TULP4: variants seen among roughly 807,000 people sequenced by gnomAD.
The protein encoded by TULP4 is TUB like protein 4.
A neutral mutation model predicts 129.0 loss-of-function variants in TULP4; 16 were observed. The observed-to-expected ratio is 0.12, with a 90% CI of 0.08 to 0.19. The LOEUF (loss-of-function observed/expected upper bound fraction) is 0.19, where lower values mean the gene tolerates loss of function less well. Ranked by LOEUF, TULP4 falls within the 10% of genes least tolerant of loss-of-function variation. TULP4 has a pLI of 1.00. For missense variants in TULP4, 1,842 were observed against 2,059.1 expected, an observed-to-expected ratio of 0.89 and a Z score of 2.04; for synonymous variants, 998 against 854.0, an observed-to-expected ratio of 1.17 and a Z score of -2.94.
At chr6:158,408,264 T>G (rs1015658839) in intron 1 of TULP4, among the ~76,000 whole-genome samples, 3 of 152,050 alleles carry the variant, frequency 2.0e-5, no homozygotes, top group Non-Finnish European at 4.4e-5. Context: ...GGCAGAAGGG[T>G]GTTCCTGGCC....
At chr6:158,275,915 A>G (rs1434289905) in intron 1 of TULP4, among the ~76,000 whole-genome samples, 3 of 152,198 alleles carry the variant, frequency 2.0e-5, no homozygotes, top group Non-Finnish European at 4.4e-5. Context: ...TATACAGTTC[A>G]GATATACTTT....
chr6:158,413,049 C>T lies in TULP4; in HGVS notation c.253-16C>T. On this transcript the variant is annotated splice_polypyrimidine_tract_variant and intron_variant, in intron 1 of 13. Coordinates refer to ENST00000367097, the MANE Select transcript of TULP4 (RefSeq NM_020245.5). This position sits in a 1 kb window ranked among gnomAD's most constrained non-coding sequence, Gnocchi z 4.9. ...ATTTATTTCCTGTGGTAAATGTCTT[C>T]TTGGTGGTTTTCTAGGTTGTGCTGG... The T allele has an allele frequency of 2.5e-6, 4 of 1,601,442 alleles. No homozygotes were observed. The highest frequency in any genetic ancestry group is 2.2e-5 in the East Asian group (1 of 44,646).
At chr6:158,483,926 T>G (rs929692393) in intron 8 of TULP4, among the ~76,000 whole-genome samples, 4 of 151,416 alleles carry the variant, frequency 2.6e-5, no homozygotes, top group Non-Finnish European at 5.9e-5. Flanking sequence ...CCCAGTAGTT[T>G]TTTTTTTTTT....
intron 9 of TULP4, among the ~76,000 whole-genome samples, chr6:158,492,327 A>C (rs1780234941): frequency 6.6e-6 from 1 of 152,126 alleles, no homozygotes; most frequent in South Asian, 2.1e-4. Context: ...GCAGCTTTCT[A>C]GTTTTAGCTT....
intron 1 of TULP4, among the ~76,000 whole-genome samples, chr6:158,357,928 G>C (rs1780684117): frequency 6.6e-6 from 1 of 152,176 alleles, no homozygotes; most frequent in Admixed American, 6.5e-5. Flanking sequence ...TTAGTAAGGA[G>C]GTGAGGTTGG....
At chr6:158,249,432 G>A (rs1223554886) in intron 1 of TULP4, among the ~76,000 whole-genome samples, 1 of 152,192 alleles carries the variant, frequency 6.6e-6, no homozygotes, top group African/African-American at 2.4e-5. Flanking sequence ...GGACAGAAGT[G>A]AGAATGAAAG....
chr6:158,394,703 C>T (rs1024765151), intron 1 of TULP4, among the ~76,000 whole-genome samples: 15 of 138,062 alleles, frequency 1.1e-4, no homozygotes, highest in African/African-American at 1.9e-4. Context: ...AGGAGAATGG[C>T]GTGAACCCGG....
At chr6:158,387,037 T>C (rs563487149) in intron 1 of TULP4, among the ~76,000 whole-genome samples, 2 of 152,002 alleles carry the variant, frequency 1.3e-5, no homozygotes, top group East Asian at 3.9e-4. Context: ...GATGATAAAA[T>C]TGGGGGGGAA....
In TULP4 at chr6:158,510,569, T is replaced by C. The variant is rs1780714873; in HGVS notation, c.*3875T>C. The C allele has an allele frequency of 6.6e-6, 1 of 152,368 alleles. No individual in the cohort carries two copies. The highest frequency in any genetic ancestry group is 1.5e-5 in the Non-Finnish European group (1 of 68,046). 9.4% of individuals were successfully genotyped at this position (152,368 alleles called of 1,614,324 possible). ...TGCCTTTGTGTAGAGAAATATTTCT[T>C]TTCCTGTGTTAATGAGCTATGTACT... On this transcript the variant is annotated 3_prime_UTR_variant, in exon 14 of 14. Coordinates refer to ENST00000367097, the MANE Select transcript of TULP4 (RefSeq NM_020245.5).
At chr6:158,504,989 G>A (rs535558942) in intron 13 of TULP4, among the ~76,000 whole-genome samples, 1,970 of 97,474 alleles carry the variant, frequency 0.02, 50 homozygotes, top group African/African-American at 0.074. Flanking sequence ...GTCAATAGCT[G>A]AGCCATGTAT....
At chr6:158,343,823 A>G (rs1780241794) in intron 1 of TULP4, among the ~76,000 whole-genome samples, 1 of 152,258 alleles carries the variant, frequency 6.6e-6, no homozygotes, top group Admixed American at 6.5e-5. Flanking sequence ...TTGTCTTAAA[A>G]TGAAAATACT....
At chr6:158,471,998 C>T (rs980598905) in intron 6 of TULP4, among the ~76,000 whole-genome samples, 8 of 152,166 alleles carry the variant, frequency 5.3e-5, no homozygotes, top group African/African-American at 1.9e-4. Flanking sequence ...TTAGGGCCCC[C>T]TTCCTGCTGG....
Position 158,440,037 on chromosome 6 carries a change from T to A in TULP4, c.544-8959T>A, listed in dbSNP as rs1778850715. On this transcript the variant is annotated intron_variant, in intron 3 of 13. Coordinates refer to ENST00000367097, the MANE Select transcript of TULP4 (RefSeq NM_020245.5). The stretch of plus-strand genomic sequence containing the variant: ...AGAGTGTTTCTTTTTTAAAAAAAAA[T>A]AAATCTGACCTGGCGCGGTGGCTCA... 4.0e-5 allele frequency among the ~76,000 whole-genome samples: 6 copies of A among 151,124 alleles called. No homozygotes were observed. In the South Asian group the frequency reaches 1.3e-3, roughly 32 times the overall value.
intron 4 of TULP4, among the ~76,000 whole-genome samples, chr6:158,451,586 G>T (rs1008418322): frequency 6.6e-6 from 1 of 152,164 alleles, no homozygotes; most frequent in Admixed American, 6.5e-5. Context: ...GCTGTGCTCC[G>T]CAGGTGCAGC....
At chr6:158,486,791 T>A (rs115858585) in intron 8 of TULP4, among the ~76,000 whole-genome samples, 2,131 of 152,256 alleles carry the variant, frequency 0.014, 50 homozygotes, top group African/African-American at 0.048. Context: ...TAAAACCGTT[T>A]TTAAAGATTT....
chr6:158,241,386 A>C (rs577385667), intron 1 of TULP4, among the ~76,000 whole-genome samples: 1 of 138,988 alleles, frequency 7.2e-6, no homozygotes, highest in African/African-American at 2.5e-5. Context: ...TGGGAGGCCA[A>C]GGCAGGCGGC....
At position 158,350,496 on chromosome 6, in the gene TULP4, A is replaced by AGGC. The variant is rs1052053250; in HGVS notation, c.252+36229_252+36231dup. Among the ~76,000 whole-genome samples, 156 of 152,316 alleles carry AGGC rather than the reference A, an allele frequency of 1.0e-3. 1 individual carries two copies. The highest frequency in any genetic ancestry group is 3.6e-3 in the African/African-American group (149 of 41,560). On this transcript the variant is annotated intron_variant, in intron 1 of 13. Coordinates refer to ENST00000367097, the MANE Select transcript of TULP4 (RefSeq NM_020245.5). ...TCCCAGCACCTCGGGAGGCCGAGGC[A>AGGC]GGCAGATCACCCGAGGCCAGGAGCT...
intron 5 of TULP4, among the ~76,000 whole-genome samples, chr6:158,452,633 C>G (rs1189256084): frequency 6.6e-6 from 1 of 152,224 alleles, no homozygotes; most frequent in Non-Finnish European, 1.5e-5. Context: ...AGATGGTGCA[C>G]AAGACATCAT....
chr6:158,495,771 C>T (rs1472373699), intron 11 of TULP4, among the ~76,000 whole-genome samples: 1 of 151,120 alleles, frequency 6.6e-6, no homozygotes, highest in East Asian at 1.9e-4. Flanking sequence ...ACCCAGGGGG[C>T]GGAGGTTGCT....
Sources: gnomAD v4.1 joint callset for allele counts (sites outside exome capture counted in the v4.1 genomes callset) on GRCh38, gnomAD v4.1.1 for gene constraint, Gnocchi (gnomAD v3.1) non-coding constraint, MANE v1.5 for transcripts, NCBI Gene and HGNC (gene_info 2026-07-23, HGNC 2026-07-21) for gene names.